DMD: variants seen among roughly 807,000 people sequenced by gnomAD.
The protein encoded by DMD is dystrophin, also known as mutant dystrophin.
In DMD, 63 loss-of-function variants were observed where a neutral mutation model predicts 330.1. The observed-to-expected ratio is 0.19, with a 90% CI of 0.16 to 0.24. The LOEUF is 0.24. Ranked by LOEUF, DMD falls within the 10% of genes least tolerant of loss-of-function variation. The pLI, the probability that DMD is intolerant of heterozygous loss-of-function variation, is 1.00. For missense variants in DMD, 3,344 were observed against 2,684.1 expected (o/e 1.25, Z -5.43); for synonymous variants, 1,223 against 959.8 (o/e 1.27, Z -5.07).
chrX:32,453,610 G>A (rs2098342654), intron 26 of DMD, among the ~76,000 whole-genome samples: 1 of 110,053 alleles, frequency 9.1e-6, no homozygotes, highest in South Asian at 3.8e-4. Context: ...ATGAGTCATG[G>A]TCATTTATAC....
intron 11 of DMD, among the ~76,000 whole-genome samples, chrX:32,631,511 A>G (rs777797625): frequency 3.9e-4 from 44 of 112,016 alleles, no homozygotes; most frequent in Non-Finnish European, 7.1e-4. Context: ...CTATAAAGAA[A>G]TATCTGATAC....
chrX:32,739,687 C>T (rs933272254), intron 7 of DMD, among the ~76,000 whole-genome samples: 21 of 111,268 alleles, frequency 1.9e-4, no homozygotes, highest in African/African-American at 6.2e-4. Context: ...CATGGACAGT[C>T]GAAAGTACCA....
At chrX:31,142,036 A>T (rs2036123865) in intron 76 of DMD, among the ~76,000 whole-genome samples, 1 of 112,038 alleles carries the variant, frequency 8.9e-6, no homozygotes, top group African/African-American at 3.2e-5. Context: ...ACCTCTTCTA[A>T]TATATCAATG....
chrX:31,958,771 C>T (rs986757473), intron 45 of DMD, among the ~76,000 whole-genome samples: 7 of 112,028 alleles, frequency 6.2e-5, no homozygotes, highest in Non-Finnish European at 1.1e-4. Flanking sequence ...AGCAAAATGG[C>T]TCAGTGTCTT....
chrX:32,017,442 A>T (rs2095771506), intron 44 of DMD, among the ~76,000 whole-genome samples: 1 of 111,930 alleles, frequency 8.9e-6, no homozygotes, highest in South Asian at 3.7e-4. Context: ...TAAGCTGGGA[A>T]AAAAGTTTAG....
chrX:32,664,079 C>A (rs2061126187), intron 9 of DMD, among the ~76,000 whole-genome samples: 1 of 111,096 alleles, frequency 9.0e-6, no homozygotes, highest in Admixed American at 9.6e-5. Flanking sequence ...GACCATCTGG[C>A]AGACAAAATG....
Position 32,429,387 on chromosome X carries a change from G to GTTTTTTTTTTTTTTTTTTTTTTTTTTTT in DMD, c.4071+8853_4071+8854insAAAAAAAAAAAAAAAAAAAAAAAAAAAA, listed in dbSNP as rs10692022. Among the ~76,000 whole-genome samples, 22 of 44,202 alleles carry GTTTTTTTTTTTTTTTTTTTTTTTTTTTT rather than the reference G, an allele frequency of 5.0e-4. 3 individuals are homozygous for GTTTTTTTTTTTTTTTTTTTTTTTTTTTT. The highest frequency in any genetic ancestry group is 8.4e-4 in the Admixed American group (2 of 2,367). The allele number at this position is 44,202 out of a possible 115,157, so 38.4% of individuals were successfully genotyped here. A position where few individuals can be genotyped will look rare whatever the true frequency, so the allele number is the denominator to read the frequency against. On this transcript the variant is annotated intron_variant, in intron 29 of 78. Coordinates refer to ENST00000357033, the MANE Select transcript of DMD (RefSeq NM_004006.3). ...ACCAAGCCTGGATACTTTTTTTTGG[G>GTTTTTTTTTTTTTTTTTTTTTTTTTTTT]TTTTTTTTTTTTTTTTTTTTTTTTG...
At chrX:32,878,155 C>A (rs909695759) in intron 2 of DMD, among the ~76,000 whole-genome samples, 1 of 111,787 alleles carries the variant, frequency 8.9e-6, no homozygotes, top group African/African-American at 3.3e-5. Context: ...GAGGGCGGAT[C>A]ACGAGGTCAG....
intron 1 of DMD, among the ~76,000 whole-genome samples, chrX:33,280,989 T>C (rs1176007723): frequency 8.9e-6 from 1 of 112,048 alleles, no homozygotes; most frequent in African/African-American, 3.2e-5. Context: ...GCTAAAATTT[T>C]CGTAAGAATT....
intron 1 of DMD, among the ~76,000 whole-genome samples, chrX:33,260,325 A>G (rs987992173): frequency 1.8e-5 from 2 of 111,180 alleles, no homozygotes; most frequent in African/African-American, 6.5e-5. Flanking sequence ...ATTTTAAAAA[A>G]ATTCTTCAAG....
intron 49 of DMD, among the ~76,000 whole-genome samples, chrX:31,825,434 C>T (rs2092871906): frequency 9.0e-6 from 1 of 111,115 alleles, no homozygotes; most frequent in Admixed American, 9.6e-5. Flanking sequence ...GGGGGTATGC[C>T]CATCTTTCCA....
intron 2 of DMD, among the ~76,000 whole-genome samples, chrX:32,904,245 A>G (rs2086545777): frequency 1.8e-5 from 2 of 111,949 alleles, no homozygotes; most frequent in South Asian, 3.7e-4. Context: ...TGACTCAATA[A>G]GTTTTCACAA....
chrX:31,261,259 T>G (rs951778626), intron 62 of DMD: 2 of 365,156 alleles, frequency 5.5e-6, no homozygotes, highest in African/African-American at 5.2e-5. Context: ...AATTTGTTTC[T>G]TCTTTGCACC....
intron 30 of DMD, among the ~76,000 whole-genome samples, chrX:32,407,191 C>A (rs776810166): frequency 9.0e-6 from 1 of 111,141 alleles, no homozygotes; most frequent in Non-Finnish European, 1.9e-5. Context: ...AACAGGCAAC[C>A]TACAGAATGG....
chrX:31,236,761 T>A (rs2047765297), intron 63 of DMD, among the ~76,000 whole-genome samples: 1 of 112,081 alleles, frequency 8.9e-6, no homozygotes, highest in Admixed American at 9.5e-5. Flanking sequence ...CATTAACTCT[T>A]TAGAGTTAAT....
chrX:32,343,189 T>G lies in DMD; in HGVS notation c.5684A>C (p.Asp1895Ala), dbSNP rs376202643. 8.3e-7 allele frequency: 1 copy of G among 1,210,585 alleles called. No individual in the cohort carries two copies. Among genetic ancestry groups the G allele is most frequent in the Non-Finnish European group, 1.1e-6 (1 of 894,561 alleles). ...TAGGCTGGCTAATTTTTTTTCAATG[T>G]CATCCAAGCATTTCAGGAGATCATC... ...QADDLLKCLD[D>A]IEKKLASLPE... Residue 1895 changes from aspartate to alanine, a missense_variant, in exon 40 of 79, where the codon GAC becomes GCC. By Grantham distance (126) the Asp-to-Ala change is moderately radical. Coordinates refer to ENST00000357033, the MANE Select transcript of DMD (RefSeq NM_004006.3).
At chrX:32,538,327 A>G (rs1048226243) in intron 17 of DMD, among the ~76,000 whole-genome samples, 1 of 111,239 alleles carries the variant, frequency 9.0e-6, no homozygotes, top group Non-Finnish European at 1.9e-5. Context: ...ACCTTAACCG[A>G]GCGATTAACC....
intron 62 of DMD, among the ~76,000 whole-genome samples, chrX:31,277,991 T>C (rs1483253855): frequency 1.0e-5 from 1 of 97,297 alleles, no homozygotes; most frequent in Non-Finnish European, 2.0e-5. Flanking sequence ...ATGTACCTCC[T>C]GTATCTAAAA....
At position 31,371,800 on chromosome X, in the gene DMD, G is replaced by A. The variant is rs1326816747; in HGVS notation, c.9085-23166C>T. On this transcript the variant is annotated intron_variant, in intron 60 of 78. Coordinates refer to ENST00000357033, the MANE Select transcript of DMD (RefSeq NM_004006.3). ...ATTGATAATGGATGTATTTGAACCC[G>A]ATCTTGGTGACAATGTTGAGCCAAA... Among the ~76,000 whole-genome samples, 3 of 112,067 alleles carry A rather than the reference G, an allele frequency of 2.7e-5. No homozygotes were observed. In the East Asian group the frequency reaches 8.3e-4, roughly 31 times the overall value.
Sources: gnomAD v4.1 joint callset for allele counts (sites outside exome capture counted in the v4.1 genomes callset) on GRCh38, gnomAD v4.1.1 for gene constraint, MANE v1.5 for transcripts, NCBI Gene and HGNC (gene_info 2026-07-23, HGNC 2026-07-21) for gene names.